GART: variants seen among roughly 807,000 people sequenced by gnomAD.
GART encodes the protein phosphoribosylglycinamide formyltransferase, phosphoribosylglycinamide synthetase, phosphoribosylaminoimidazole synthetase.
Under a neutral mutation model 107.2 loss-of-function variants are expected in GART, and 43 were observed. The ratio of observed to expected loss-of-function variants is 0.40; its 90% CI spans 0.31 to 0.52. The LOEUF (loss-of-function observed/expected upper bound fraction) is 0.52. GART is among the 20% of genes least tolerant of loss of function. The pLI is 0.52. For missense variants in GART, 1,107 were observed against 1,206.5 expected, an observed-to-expected ratio of 0.92 and a Z score of 1.22; for synonymous variants, 434 against 427.0, an observed-to-expected ratio of 1.02 and a Z score of -0.20.
At chr21:33,516,927 T>G in intron 16 of GART, 62 bp downstream of exon 16, 5 of 1,422,044 alleles carry the variant, frequency 3.5e-6, no homozygotes, top group Middle Eastern at 1.9e-4. Flanking sequence ...CATAGTTTTC[T>G]CGCACAATGC....
At chr21:33,507,510 T>G (rs1050575075) in intron 18 of GART, among the ~76,000 whole-genome samples, 3 of 152,086 alleles carry the variant, frequency 2.0e-5, no homozygotes, top group Middle Eastern at 3.4e-3. Flanking sequence ...CAACAATAAT[T>G]TATTACACAT....
At position 33,520,977 on chromosome 21, in the gene GART, C is replaced by A. The variant is rs778067139; in HGVS notation, c.1432G>T (p.Asp478Tyr). The change falls in exon 13 of 22, where the codon GAT (aspartate) becomes TAT (tyrosine). Residue 478 changes from aspartate to tyrosine, a missense_variant. Physicochemically the swap from Asp to Tyr is radical, Grantham distance 160. Coordinates refer to ENST00000381815, the MANE Select transcript of GART (RefSeq NM_000819.5). ...TCTTTGAAACCAGCTGCTTTTAAAT[C>A]AAAAAGACCAGCAAAACCTCCAAGA... ...VDLGGFAGLF[D>Y]LKAAGFKDPL... 1.9e-6 allele frequency: 3 copies of A among 1,613,816 alleles called. No homozygotes were observed. The African/African-American group carries it at 4.0e-5, about 22-fold the overall frequency.
At chr21:33,513,568 T>TA (rs996089144) in intron 16 of GART, among the ~76,000 whole-genome samples, 1 of 152,026 alleles carries the variant, frequency 6.6e-6, no homozygotes, top group African/African-American at 2.4e-5. Context: ...AGACTCTGTC[T>TA]AAAAAAATAA....
At chr21:33,515,496 CG>C (rs2084857609) in intron 16 of GART, among the ~76,000 whole-genome samples, 1 of 151,564 alleles carries the variant, frequency 6.6e-6, no homozygotes, top group Non-Finnish European at 1.5e-5. Context: ...AAAAATTAGC[CG>C]GGCATGGTGG....
intron 18 of GART, among the ~76,000 whole-genome samples, chr21:33,508,887 C>T (rs914447673): frequency 6.6e-6 from 1 of 152,124 alleles, no homozygotes; most frequent in Non-Finnish European, 1.5e-5. Context: ...CATGCAATAT[C>T]TGGTTTTCTG....
At chr21:33,515,040 CCTAA>C (rs1222910782) in intron 16 of GART, among the ~76,000 whole-genome samples, 1 of 152,182 alleles carries the variant, frequency 6.6e-6, no homozygotes, top group Non-Finnish European at 1.5e-5. Flanking sequence ...GCTGGATCAA[CCTAA>C]CTAATCTATT....
At position 33,511,475 on chromosome 21, in the gene GART, C is replaced by T. The variant is rs776913141; in HGVS notation, c.2108-17G>A. Reference sequence around the variant, plus strand: ...TCTGGGCATCTGAAAAAAATAGACACGAATTGTTTGATTTTCCTACCTTCT... The same window carrying T: ...TCTGGGCATCTGAAAAAAATAGACATGAATTGTTTGATTTTCCTACCTTCT... On this transcript the variant is annotated splice_polypyrimidine_tract_variant and intron_variant, in intron 16 of 21. Transcript: ENST00000381815. 1.1e-5 allele frequency: 17 copies of T among 1,612,204 alleles called. No individual in the cohort carries two copies. The highest frequency in any genetic ancestry group is 2.2e-5 in the East Asian group (1 of 44,860).
chr21:33,517,617 A>G lies in GART; in HGVS notation c.1703-9T>C. 4 of 1,614,014 alleles carry G rather than the reference A, an allele frequency of 2.5e-6. No individual in the cohort carries two copies. Among genetic ancestry groups the G allele is most frequent in the Non-Finnish European group, 3.4e-6 (4 of 1,179,886 alleles). ...TTCTGCTGTTTCACCTCCTGGTGGG[A>G]TAAGACAAGAACAAAGAAATCAGAG... On this transcript the variant is annotated splice_polypyrimidine_tract_variant and intron_variant, in intron 14 of 21. Coordinates refer to ENST00000381815, the MANE Select transcript of GART (RefSeq NM_000819.5).
chr21:33,528,952 G>C lies in GART; in HGVS notation c.724-15C>G, dbSNP rs1431174424. The C allele has an allele frequency of 1.9e-6, 3 of 1,555,476 alleles. No individual in the cohort carries two copies. The highest frequency in any genetic ancestry group is 2.2e-5 in the East Asian group (1 of 44,496). On this transcript the variant is annotated splice_polypyrimidine_tract_variant and intron_variant, in intron 7 of 21. Coordinates refer to ENST00000381815, the MANE Select transcript of GART (RefSeq NM_000819.5). ...TCATTAGAAACCTGGAGAACGTGCA[G>C]AAACAGTTAAATGTAACAGGTAACT...
chr21:33,541,830 T>C (rs1260771865), intron 1 of GART, among the ~76,000 whole-genome samples: 1 of 152,138 alleles, frequency 6.6e-6, no homozygotes, highest in African/African-American at 2.4e-5. Context: ...CCTAAAAATG[T>C]ATAAAGACAC....
intron 12 of GART, among the ~76,000 whole-genome samples, chr21:33,521,458 C>T (rs2084971655): frequency 6.6e-6 from 1 of 151,618 alleles, no homozygotes; most frequent in South Asian, 2.1e-4. Flanking sequence ...AGTGAAACCC[C>T]GTCTCTACTA....
intron 11 of GART, among the ~76,000 whole-genome samples, 194 bp from the exon 12 acceptor site, chr21:33,522,476 A>G (rs143775044): frequency 1.3e-3 from 193 of 152,332 alleles, no homozygotes; most frequent in Middle Eastern, 6.8e-3. Flanking sequence ...CTGGGAATTG[A>G]AATGAGTTTG....
At position 33,533,311 on chromosome 21, in the gene GART, C is replaced by T. The variant is rs181686346; in HGVS notation, c.417-855G>A. ...AAAATTAGCCTGGAGTGGTGGTGGG[C>T]GCCTGTATTCCCAGCTACTCGGGAG... is the stretch of plus-strand genomic sequence containing the variant. On this transcript the variant is annotated intron_variant, in intron 4 of 21. Transcript: ENST00000381815. Among the ~76,000 whole-genome samples, 1,302 of 151,424 alleles carry T rather than the reference C, an allele frequency of 8.6e-3. 22 individuals are homozygous for T. The highest frequency in any genetic ancestry group is 0.03 in the African/African-American group (1,253 of 41,284).
chr21:33,511,987 C>T (rs1271538201), intron 16 of GART, among the ~76,000 whole-genome samples: 1 of 152,014 alleles, frequency 6.6e-6, no homozygotes, highest in Admixed American at 6.6e-5. Context: ...TACATTCTCT[C>T]GGCCGGGCGT....
chr21:33,526,393 C>T (rs547177848), intron 10 of GART, among the ~76,000 whole-genome samples: 2 of 152,204 alleles, frequency 1.3e-5, no homozygotes, highest in Non-Finnish European at 2.9e-5. Context: ...AGGCTGGTCT[C>T]GAACTCCTGA....
At chr21:33,525,225 A>T (rs557740877) in intron 10 of GART, among the ~76,000 whole-genome samples, 58 of 151,098 alleles carry the variant, frequency 3.8e-4, no homozygotes, top group African/African-American at 1.4e-3. Flanking sequence ...CCTCTACATA[A>T]ATAAATAAAT....
At chr21:33,515,539 C>G (rs1023061932) in intron 16 of GART, among the ~76,000 whole-genome samples, 1 of 149,604 alleles carries the variant, frequency 6.7e-6, no homozygotes, top group Non-Finnish European at 1.5e-5. Flanking sequence ...ACTTGGGAGG[C>G]TGAGGCAGGA....
intron 6 of GART, chr21:33,531,149 C>A: frequency 2.6e-6 from 1 of 385,190 alleles, no homozygotes; most frequent in Non-Finnish European, 4.5e-6. Context: ...AACCTTTCCC[C>A]CACTTTAAGC....
Position 33,531,569 on chromosome 21 carries a change from ATTTTT to A in GART, c.529-17_529-13del, listed in dbSNP as rs540416206. On this transcript the variant is annotated splice_polypyrimidine_tract_variant and intron_variant, in intron 5 of 21. Coordinates refer to ENST00000381815, the MANE Select transcript of GART (RefSeq NM_000819.5). ...CCAAAGGCTTTCTCCTGATTGTAAG[ATTTTT>A]TTTTTTTTTTTTTTTAAAAAAAGAG... 9.5e-3 allele frequency: 13,411 copies of A among 1,411,938 alleles called. 20 individuals are homozygous for A. The highest frequency in any genetic ancestry group is 0.012 in the Admixed American group (519 of 42,878). 87.5% of individuals were successfully genotyped at this position (1,411,938 alleles called of 1,614,324 possible).
Sources: gnomAD v4.1 joint callset for allele counts (sites outside exome capture counted in the v4.1 genomes callset) on GRCh38, gnomAD v4.1.1 for gene constraint, MANE v1.5 for transcripts, NCBI Gene and HGNC (gene_info 2026-07-23, HGNC 2026-07-21) for gene names.